Variants in KCND2 observed in about 807,000 individuals in gnomAD.
The protein encoded by KCND2 is A-type voltage-gated potassium channel KCND2.
KCND2 carries 16 observed loss-of-function variants against 54.4 expected under a neutral mutation model. The observed-to-expected ratio is 0.29, with a 90% CI of 0.20 to 0.45. The LOEUF is 0.45. Ranked by LOEUF, KCND2 falls within the 20% of genes least tolerant of loss-of-function variation. KCND2 has a pLI of 1.00. For synonymous variants in KCND2, 317 were observed against 310.7 expected, an observed-to-expected ratio of 1.02 and a Z score of -0.21; for missense variants, 486 against 824.2, an observed-to-expected ratio of 0.59 and a Z score of 5.02.
At chr7:120,518,674 T>C (rs1803234521) in intron 1 of KCND2, among the ~76,000 whole-genome samples, 1 of 152,166 alleles carries the variant, frequency 6.6e-6, no homozygotes, top group Non-Finnish European at 1.5e-5. Flanking sequence ...AAATGTGGAA[T>C]ATAAGCTAAA....
intron 1 of KCND2, among the ~76,000 whole-genome samples, chr7:120,459,465 A>G (rs1280994065): frequency 6.6e-6 from 1 of 151,958 alleles, no homozygotes; most frequent in African/African-American, 2.4e-5. Flanking sequence ...TTGCCATCCC[A>G]CTTCTTTGCT....
At chr7:120,366,565 A>G (rs542998655) in intron 1 of KCND2, among the ~76,000 whole-genome samples, 5 of 151,636 alleles carry the variant, frequency 3.3e-5, no homozygotes, top group Admixed American at 3.3e-4. Flanking sequence ...GAAAAGAAAA[A>G]AGAAAAGAGA....
intron 1 of KCND2, among the ~76,000 whole-genome samples, chr7:120,644,832 C>T (rs943002859): frequency 1.3e-5 from 2 of 152,158 alleles, no homozygotes; most frequent in African/African-American, 4.8e-5. Flanking sequence ...CCTAATATAT[C>T]CTGGACTAGG....
chr7:120,630,657 A>G (rs1005287256), intron 1 of KCND2, among the ~76,000 whole-genome samples: 8 of 152,180 alleles, frequency 5.3e-5, no homozygotes, highest in African/African-American at 1.7e-4. Context: ...CTTATTGCCT[A>G]TATCATTAGG....
At chr7:120,286,529 T>A (rs576818285) in intron 1 of KCND2, among the ~76,000 whole-genome samples, 1 of 152,122 alleles carries the variant, frequency 6.6e-6, no homozygotes, top group Admixed American at 6.5e-5. Context: ...ATTGACTATA[T>A]AACAGTATTA....
chr7:120,456,922 G>C (rs576135209), intron 1 of KCND2, among the ~76,000 whole-genome samples: 2 of 152,286 alleles, frequency 1.3e-5, no homozygotes, highest in African/African-American at 4.8e-5. Flanking sequence ...TGGACATCCA[G>C]GTATTTCCTT....
chr7:120,379,480 A>G (rs905233670), intron 1 of KCND2, among the ~76,000 whole-genome samples: 8 of 152,080 alleles, frequency 5.3e-5, no homozygotes, highest in Non-Finnish European at 1.2e-4. Context: ...GTTTATTTCA[A>G]TAAAATAAAA....
At chr7:120,664,036 C>T (rs2116563762) in intron 1 of KCND2, among the ~76,000 whole-genome samples, 1 of 150,564 alleles carries the variant, frequency 6.6e-6, no homozygotes, top group South Asian at 2.1e-4. Flanking sequence ...AATACCAAAT[C>T]TCTTTTCCCA....
chr7:120,368,161 T>A (rs1392480756), intron 1 of KCND2, among the ~76,000 whole-genome samples: 1 of 152,120 alleles, frequency 6.6e-6, no homozygotes, highest in Non-Finnish European at 1.5e-5. Context: ...GAAAGAAATT[T>A]CTGTGATGTA....
chr7:120,528,651 A>G (rs1009529204), intron 1 of KCND2, among the ~76,000 whole-genome samples: 11 of 152,164 alleles, frequency 7.2e-5, no homozygotes, highest in Non-Finnish European at 1.3e-4. Context: ...AATAAATGAT[A>G]CACAAAGATG....
At chr7:120,498,015 T>G (rs756529723) in intron 1 of KCND2, among the ~76,000 whole-genome samples, 2 of 152,206 alleles carry the variant, frequency 1.3e-5, no homozygotes, top group Non-Finnish European at 2.9e-5. Context: ...ATCTTAATGA[T>G]TTTTGCAATT....
intron 1 of KCND2, among the ~76,000 whole-genome samples, chr7:120,326,414 T>A (rs2116339898): frequency 6.6e-6 from 1 of 152,182 alleles, no homozygotes; most frequent in Admixed American, 6.6e-5. Context: ...AGAAAAGTGA[T>A]TACAATAATA....
At chr7:120,351,412 A>ACACTCT (rs1239086324) in intron 1 of KCND2, among the ~76,000 whole-genome samples, 46 of 99,800 alleles carry the variant, frequency 4.6e-4, no homozygotes, top group Admixed American at 9.5e-4. Flanking sequence ...ACACACACAC[A>ACACTCT]CTCTCTCTCT....
intron 1 of KCND2, among the ~76,000 whole-genome samples, chr7:120,408,047 G>A (rs1584766303): frequency 6.6e-6 from 1 of 151,834 alleles, no homozygotes; most frequent in African/African-American, 2.4e-5. Context: ...TAAGAAATGG[G>A]GGCCTGTACC....
At chr7:120,360,512 G>T (rs1234195765) in intron 1 of KCND2, among the ~76,000 whole-genome samples, 3 of 152,006 alleles carry the variant, frequency 2.0e-5, no homozygotes, top group Non-Finnish European at 2.9e-5. Flanking sequence ...AATTTAACAG[G>T]ATATACTTAA....
At chr7:120,366,659 C>T (rs1477213886) in intron 1 of KCND2, among the ~76,000 whole-genome samples, 1 of 152,122 alleles carries the variant, frequency 6.6e-6, no homozygotes, top group Non-Finnish European at 1.5e-5. Context: ...TGGAACCCAA[C>T]ATGTGACAGA....
At chr7:120,318,389 A>G (rs776494048) in intron 1 of KCND2, among the ~76,000 whole-genome samples, 1 of 152,128 alleles carries the variant, frequency 6.6e-6, no homozygotes, top group South Asian at 2.1e-4. Flanking sequence ...AATAATGTCA[A>G]ATACTCTCAT....
intron 1 of KCND2, among the ~76,000 whole-genome samples, chr7:120,546,189 T>A (rs1792040499): frequency 6.6e-6 from 1 of 151,938 alleles, no homozygotes; most frequent in Non-Finnish European, 1.5e-5. Flanking sequence ...AAAGTAATGA[T>A]CTTCTTTACT....
chr7:120,571,231 A>C (rs1792361906), intron 1 of KCND2, among the ~76,000 whole-genome samples: 1 of 152,212 alleles, frequency 6.6e-6, no homozygotes, highest in African/African-American at 2.4e-5. Flanking sequence ...TTTGTGACTT[A>C]TCCATTGATC....
Sources: gnomAD v4.1 joint callset for allele counts (sites outside exome capture counted in the v4.1 genomes callset) on GRCh38, gnomAD v4.1.1 for gene constraint, MANE v1.5 for transcripts, NCBI Gene and HGNC (gene_info 2026-07-23, HGNC 2026-07-21) for gene names.